The following SLC9A8 variants were observed in gnomAD, a reference collection of about 807,000 sequenced individuals.
The protein encoded by SLC9A8 is sodium/hydrogen exchanger 8.
A neutral mutation model predicts 66.6 loss-of-function variants in SLC9A8; 48 were observed. The observed-to-expected ratio is 0.72, with a 90% CI of 0.57 to 0.92. SLC9A8 has a LOEUF of 0.92. SLC9A8 is among the 40% of genes least tolerant of loss of function. SLC9A8 has a pLI of 0.00. For missense variants in SLC9A8, 599 were observed against 747.3 expected (o/e 0.80, Z 2.31); for synonymous variants, 274 against 282.6 (o/e 0.97, Z 0.31).
At chr20:49,872,456 CCTTT>C (rs934469456) in intron 10 of SLC9A8, among the ~76,000 whole-genome samples, 6 of 44,032 alleles carry the variant, frequency 1.4e-4, no homozygotes, top group Non-Finnish European at 2.8e-4. Flanking sequence ...TGATTTTCAC[CCTTT>C]TTTTTTTTTT....
chr20:49,847,128 T>A (rs978620020), intron 5 of SLC9A8, among the ~76,000 whole-genome samples: 3 of 152,144 alleles, frequency 2.0e-5, no homozygotes, highest in Middle Eastern at 3.4e-3. Context: ...TTATTGTGCA[T>A]CTATCCAAAG....
chr20:49,852,988 G>A (rs1453255718), intron 7 of SLC9A8, among the ~76,000 whole-genome samples: 4 of 152,120 alleles, frequency 2.6e-5, no homozygotes, highest in African/African-American at 9.7e-5. Context: ...AGGGACACAT[G>A]AGACATCAGT....
At chr20:49,880,529 C>T (rs2089587725) in intron 12 of SLC9A8, among the ~76,000 whole-genome samples, 1 of 152,158 alleles carries the variant, frequency 6.6e-6, no homozygotes, top group African/African-American at 2.4e-5. Flanking sequence ...CTGGTATGAT[C>T]AATGCAGCCC....
chr20:49,886,907 C>A lies in SLC9A8; in HGVS notation c.1638+9C>A, dbSNP rs779795699. On this transcript the variant is annotated intron_variant, in intron 15 of 15. Transcript: ENST00000361573. This position sits in a 1 kb window ranked among gnomAD's most constrained non-coding sequence, Gnocchi z 4.8. ...GGAGGCTGACGCAGGAGGTGGGATA[C>A]CGGCCAGGCCACACTTTCTGGGGGT... The A allele has an allele frequency of 6.2e-7, 1 of 1,611,220 alleles. No homozygotes were observed. Among genetic ancestry groups the A allele is most frequent in the South Asian group, 1.1e-5 (1 of 90,732 alleles).
At chr20:49,827,604 G>GAAAAAAA (rs75265328) in intron 3 of SLC9A8, among the ~76,000 whole-genome samples, 1 of 104,544 alleles carries the variant, frequency 9.6e-6, no homozygotes, top group Admixed American at 1.1e-4. Context: ...ACTGCATCTC[G>GAAAAAAA]AAAAAAAAAA....
chr20:49,837,597 T>C (rs935232628), intron 3 of SLC9A8, among the ~76,000 whole-genome samples: 1 of 152,124 alleles, frequency 6.6e-6, no homozygotes, highest in Non-Finnish European at 1.5e-5. Flanking sequence ...TGAGTTGGAG[T>C]CTCACTCTGT....
chr20:49,868,458 A>G (rs1192485841), intron 10 of SLC9A8, among the ~76,000 whole-genome samples: 1 of 152,208 alleles, frequency 6.6e-6, no homozygotes, highest in Non-Finnish European at 1.5e-5. Context: ...GCACAGATGG[A>G]AAGGGTGGTT....
chr20:49,876,234 C>T (rs544328616), intron 11 of SLC9A8, among the ~76,000 whole-genome samples: 1 of 152,270 alleles, frequency 6.6e-6, no homozygotes, highest in African/African-American at 2.4e-5. Context: ...ATTTGTACAG[C>T]ACCTCTCTCA....
At chr20:49,855,307 C>A in intron 7 of SLC9A8, 131 bp from the exon 8 acceptor site, 1 of 930,766 alleles carries the variant, frequency 1.1e-6, no homozygotes. Flanking sequence ...AAATACGCTA[C>A]CTTCTGTAAT....
intron 11 of SLC9A8, among the ~76,000 whole-genome samples, chr20:49,875,929 CAG>C (rs1312343921): frequency 1.3e-5 from 2 of 152,078 alleles, no homozygotes; most frequent in Non-Finnish European, 2.9e-5. Context: ...TTAGTAGAGA[CAG>C]GGTTTCACCG....
intron 13 of SLC9A8, among the ~76,000 whole-genome samples, chr20:49,881,437 A>G (rs1432214910): frequency 6.6e-6 from 1 of 152,150 alleles, no homozygotes; most frequent in Admixed American, 6.5e-5. Flanking sequence ...TTAGTTTTGG[A>G]TATTTTTCCT....
intron 3 of SLC9A8, among the ~76,000 whole-genome samples, chr20:49,828,438 G>T (rs2087012497): frequency 6.6e-6 from 1 of 150,866 alleles, no homozygotes; most frequent in Admixed American, 6.6e-5. Flanking sequence ...TGGTCAGGCT[G>T]GTCTTGAACT....
At chr20:49,880,868 T>G (rs973096225) in intron 12 of SLC9A8, 56 bp from the exon 13 acceptor site, 1 of 1,187,812 alleles carries the variant, frequency 8.4e-7, no homozygotes. Flanking sequence ...TCCAAGAAGC[T>G]TCAGCTTGAA....
intron 10 of SLC9A8, among the ~76,000 whole-genome samples, chr20:49,865,940 A>T (rs2088946912): frequency 6.6e-6 from 1 of 152,232 alleles, no homozygotes; most frequent in Non-Finnish European, 1.5e-5. Flanking sequence ...AAGATGGCAG[A>T]GATTTTCTTT....
At chr20:49,816,002 C>G (rs2086535432) in intron 2 of SLC9A8, among the ~76,000 whole-genome samples, 1 of 152,164 alleles carries the variant, frequency 6.6e-6, no homozygotes, top group African/African-American at 2.4e-5. Flanking sequence ...GCCCCAGCAC[C>G]CTGTTTTCCT....
intron 1 of SLC9A8, 140 bp downstream of exon 1, chr20:49,813,088 A>T: frequency 3.6e-6 from 1 of 276,742 alleles, no homozygotes. Flanking sequence ...GCCGGTGCCT[A>T]CGAGGAGGGC....
At chr20:49,867,226 C>T (rs542977832) in intron 10 of SLC9A8, among the ~76,000 whole-genome samples, 3 of 152,262 alleles carry the variant, frequency 2.0e-5, no homozygotes, top group African/African-American at 7.2e-5. Context: ...TATTCCTTTA[C>T]GGAGTTCTGG....
chr20:49,873,255 G>T (rs938821350), intron 10 of SLC9A8, among the ~76,000 whole-genome samples: 1 of 152,274 alleles, frequency 6.6e-6, no homozygotes, highest in Admixed American at 6.5e-5. Flanking sequence ...GCCGAGGCAG[G>T]TTGGATTGCT....
At chr20:49,884,335 CACCCCCCG>C (rs1568884613) in intron 14 of SLC9A8, among the ~76,000 whole-genome samples, 28 of 125,566 alleles carry the variant, frequency 2.2e-4, no homozygotes, top group African/African-American at 8.8e-4. Context: ...CACACACACA[CACCCCCCG>C]GTCATCCCCC....
Sources: gnomAD v4.1 joint callset for allele counts (sites outside exome capture counted in the v4.1 genomes callset) on GRCh38, gnomAD v4.1.1 for gene constraint, Gnocchi (gnomAD v3.1) non-coding constraint, MANE v1.5 for transcripts, NCBI Gene and HGNC (gene_info 2026-07-23, HGNC 2026-07-21) for gene names.